Variants in GRM8 observed in about 807,000 individuals in gnomAD.
GRM8 encodes glutamate metabotropic receptor 8.
A neutral mutation model predicts 87.2 loss-of-function variants in GRM8; 47 were observed. That is an observed-to-expected ratio of 0.54 (90% confidence interval 0.43 to 0.69). The LOEUF (loss-of-function observed/expected upper bound fraction) is 0.69, where lower values mean the gene tolerates loss of function less well. GRM8 is among the 30% of genes least tolerant of loss of function. The pLI is 0.00. For synonymous variants in GRM8, 396 were observed against 404.5 expected (o/e 0.98, Z 0.25); for missense variants, 1,019 against 1,139.2 (o/e 0.89, Z 1.52).
chr7:126,888,069 C>T (rs562684057), intron 6 of GRM8, among the ~76,000 whole-genome samples: 30 of 152,130 alleles, frequency 2.0e-4, no homozygotes, highest in Non-Finnish European at 4.1e-4. Context: ...TTTTCTGCTA[C>T]TTTGGATCAG....
intron 9 of GRM8, among the ~76,000 whole-genome samples, chr7:126,482,889 A>G (rs2150600957): frequency 6.6e-6 from 1 of 151,992 alleles, no homozygotes; most frequent in South Asian, 2.1e-4. Flanking sequence ...TGAGATTACA[A>G]GTGTGTTCAG....
intron 3 of GRM8, among the ~76,000 whole-genome samples, chr7:126,986,977 C>T (rs1052951919): frequency 4.6e-5 from 7 of 152,032 alleles, no homozygotes; most frequent in African/African-American, 1.7e-4. Flanking sequence ...CCCTATTTTT[C>T]AAATGGGAAA....
chr7:127,135,438 G>C (rs1339363471), intron 2 of GRM8, among the ~76,000 whole-genome samples: 1 of 151,770 alleles, frequency 6.6e-6, no homozygotes, highest in Non-Finnish European at 1.5e-5. Flanking sequence ...TTATAATAAA[G>C]ACATTTTACT....
At chr7:127,095,656 G>C (rs1184672056) in intron 3 of GRM8, 3 of 152,150 alleles carry the variant, frequency 2.0e-5, no homozygotes, top group Admixed American at 6.5e-5. Flanking sequence ...ATATGCCACT[G>C]TGTACTTCCT....
At chr7:126,528,733 TG>T (rs1334355269) in intron 9 of GRM8, among the ~76,000 whole-genome samples, 1 of 151,952 alleles carries the variant, frequency 6.6e-6, no homozygotes, top group Non-Finnish European at 1.5e-5. Context: ...AGAACAGGGC[TG>T]GGGGTGATGG....
chr7:126,712,062 G>A (rs895949598), intron 7 of GRM8, among the ~76,000 whole-genome samples: 2 of 152,156 alleles, frequency 1.3e-5, no homozygotes, highest in Non-Finnish European at 1.5e-5. Context: ...TGGCTAGCTG[G>A]CACAAGAGGC....
intron 6 of GRM8, among the ~76,000 whole-genome samples, chr7:126,836,641 C>T (rs907752041): frequency 3.3e-5 from 5 of 152,162 alleles, no homozygotes; most frequent in Admixed American, 2.0e-4. Context: ...GTCTCCTGCT[C>T]ATCTTTCAGG....
chr7:126,604,514 C>G (rs1269285154), intron 8 of GRM8, among the ~76,000 whole-genome samples: 2 of 152,036 alleles, frequency 1.3e-5, no homozygotes, highest in Non-Finnish European at 2.9e-5. Flanking sequence ...TTATCACATT[C>G]GTTCAATACT....
intron 3 of GRM8, among the ~76,000 whole-genome samples, chr7:126,952,022 A>AAAAAG (rs147663652): frequency 2.0e-5 from 3 of 150,336 alleles, no homozygotes; most frequent in South Asian, 2.1e-4. Context: ...TGATTTAAAA[A>AAAAAG]AAAGAAAGAA....
intron 2 of GRM8, among the ~76,000 whole-genome samples, chr7:127,115,789 T>A (rs1388991683): frequency 6.6e-6 from 1 of 152,204 alleles, no homozygotes; most frequent in Non-Finnish European, 1.5e-5. Context: ...AAAGTTTTAC[T>A]AGCAAGTTGG....
At chr7:126,733,079 T>C (rs1329022661) in intron 7 of GRM8, among the ~76,000 whole-genome samples, 1 of 152,114 alleles carries the variant, frequency 6.6e-6, no homozygotes, top group Non-Finnish European at 1.5e-5. Context: ...CAATTATTCT[T>C]CTTCCAATGT....
chr7:126,953,985 T>C (rs1446188595), intron 3 of GRM8, among the ~76,000 whole-genome samples: 1 of 152,128 alleles, frequency 6.6e-6, no homozygotes, highest in Non-Finnish European at 1.5e-5. Flanking sequence ...TATACACTAT[T>C]ATATACTCAT....
At chr7:126,529,104 C>A (rs1814385385) in intron 9 of GRM8, among the ~76,000 whole-genome samples, 1 of 151,874 alleles carries the variant, frequency 6.6e-6, no homozygotes, top group Admixed American at 6.6e-5. Flanking sequence ...TGTAGTAGTC[C>A]TATTTGAGAA....
chr7:126,558,465 T>C (rs1330820445), intron 8 of GRM8, among the ~76,000 whole-genome samples: 1 of 152,184 alleles, frequency 6.6e-6, no homozygotes, highest in Non-Finnish European at 1.5e-5. Context: ...AACCTCTGTA[T>C]GCCTCTGTAT....
At chr7:127,120,594 A>T (rs1275490835) in intron 2 of GRM8, among the ~76,000 whole-genome samples, 2 of 152,198 alleles carry the variant, frequency 1.3e-5, no homozygotes, top group African/African-American at 4.8e-5. Flanking sequence ...ATAGTATGAA[A>T]CATTGAATGT....
At chr7:126,454,506 ATT>A (rs36011802) in intron 9 of GRM8, among the ~76,000 whole-genome samples, 20 of 148,358 alleles carry the variant, frequency 1.3e-4, no homozygotes, top group Admixed American at 4.7e-4. Context: ...TAAAAGTGCT[ATT>A]TTTTTTTTTC....
At chr7:126,728,882 G>A (rs1387549330) in intron 7 of GRM8, among the ~76,000 whole-genome samples, 2 of 152,112 alleles carry the variant, frequency 1.3e-5, no homozygotes, top group East Asian at 3.9e-4. Context: ...CCTTAAACAT[G>A]TCAGACACTC....
At chr7:127,029,301 T>C (rs1817123882) in intron 3 of GRM8, among the ~76,000 whole-genome samples, 1 of 152,016 alleles carries the variant, frequency 6.6e-6, no homozygotes, top group Non-Finnish European at 1.5e-5. Context: ...GCTGAGAATG[T>C]ATATTCTGTT....
At chr7:126,920,772 T>C (rs578127763) in intron 3 of GRM8, among the ~76,000 whole-genome samples, 1 of 152,260 alleles carries the variant, frequency 6.6e-6, no homozygotes, top group African/African-American at 2.4e-5. Context: ...GGATAGTCCC[T>C]GGTCCCCTCT....
Sources: allele counts gnomAD v4.1 joint callset (sites outside exome capture counted in the v4.1 genomes callset), GRCh38; gene constraint gnomAD v4.1.1; transcripts MANE v1.5; gene names NCBI Gene and HGNC (gene_info 2026-07-23, HGNC 2026-07-21).